The following DZIP3 variants were observed in gnomAD, a reference collection of about 807,000 sequenced individuals.
DZIP3 encodes the protein E3 ubiquitin-protein ligase DZIP3.
Under a neutral mutation model 162.0 loss-of-function variants are expected in DZIP3, and 118 were observed. The ratio of observed to expected loss-of-function variants is 0.73; its 90% CI spans 0.63 to 0.85. DZIP3 has a LOEUF of 0.85. DZIP3 is among the 40% of genes least tolerant of loss of function. DZIP3 has a pLI of 0.00. For synonymous variants in DZIP3, 438 were observed against 458.6 expected (o/e 0.96, Z 0.57); for missense variants, 1,331 against 1,407.0 (o/e 0.95, Z 0.86).
intron 5 of DZIP3, among the ~76,000 whole-genome samples, chr3:108,623,147 C>T (rs1325837301): frequency 1.3e-5 from 2 of 151,878 alleles, no homozygotes; most frequent in Non-Finnish European, 1.5e-5. Context: ...TGGAAGCCCA[C>T]TTGGTGTTCT....
At chr3:108,652,282 TTA>T (rs1942902194) in intron 18 of DZIP3, among the ~76,000 whole-genome samples, 1 of 151,766 alleles carries the variant, frequency 6.6e-6, no homozygotes, top group African/African-American at 2.4e-5. Flanking sequence ...CAACAATTAT[TTA>T]TGTTTTTCAC....
Position 108,589,832 on chromosome 3 carries a change from T to A in DZIP3, c.-80T>A, listed in dbSNP as rs1278251453. 1 of 155,058 alleles carries A rather than the reference T, an allele frequency of 6.4e-6. No individual in the cohort carries two copies. The highest frequency in any genetic ancestry group is 1.4e-5 in the Non-Finnish European group (1 of 69,326). 9.6% of individuals were successfully genotyped at this position (155,058 alleles called of 1,614,324 possible). A position where few individuals can be genotyped will look rare whatever the true frequency, so the allele number is the denominator to read the frequency against. ...GAGAAATGGTCGCTTGCCCCTAGTC[T>A]AGACACGGTGAGGAGCTCTGAGGAG... On this transcript the variant is annotated 5_prime_UTR_variant, in exon 1 of 33. Coordinates refer to ENST00000361582, the MANE Select transcript of DZIP3 (RefSeq NM_014648.4).
chr3:108,614,289 C>A (rs1340770172), intron 4 of DZIP3, among the ~76,000 whole-genome samples: 1 of 152,124 alleles, frequency 6.6e-6, no homozygotes, highest in Non-Finnish European at 1.5e-5. Context: ...AACATAAATA[C>A]AAATACTGTA....
chr3:108,657,639 A>G (rs1342444095), intron 19 of DZIP3, among the ~76,000 whole-genome samples: 1 of 152,220 alleles, frequency 6.6e-6, no homozygotes, highest in Non-Finnish European at 1.5e-5. Flanking sequence ...ACACATAACA[A>G]TATTAACCTT....
intron 19 of DZIP3, 128 bp downstream of exon 19, chr3:108,654,438 C>A: frequency 1.9e-6 from 2 of 1,048,164 alleles, no homozygotes; most frequent in Non-Finnish European, 1.5e-6. Flanking sequence ...AAGAGAAAAG[C>A]ATAAAAGGTA....
chr3:108,646,857 A>G (rs1247658885), intron 15 of DZIP3, among the ~76,000 whole-genome samples: 1 of 152,182 alleles, frequency 6.6e-6, no homozygotes, highest in Non-Finnish European at 1.5e-5. Flanking sequence ...CTTGGCCAAC[A>G]TGGTGAAACC....
At chr3:108,614,493 G>A (rs1940890427) in intron 4 of DZIP3, among the ~76,000 whole-genome samples, 1 of 152,118 alleles carries the variant, frequency 6.6e-6, no homozygotes, top group Non-Finnish European at 1.5e-5. Flanking sequence ...GTTCTTTTGA[G>A]GAAGGGTCAG....
intron 4 of DZIP3, among the ~76,000 whole-genome samples, chr3:108,614,045 C>G (rs750002205): frequency 1.3e-5 from 2 of 152,118 alleles, no homozygotes; most frequent in Non-Finnish European, 2.9e-5. Flanking sequence ...GGTTGAATAT[C>G]AGTTATCTAA....
chr3:108,625,757 A>G, intron 6 of DZIP3, 88 bp from the exon 7 acceptor site: 1 of 1,345,402 alleles, frequency 7.4e-7, no homozygotes, highest in Non-Finnish European at 9.9e-7. Context: ...AGCTGCCCTA[A>G]TTTCTCCAGT....
chr3:108,674,327 A>AT (rs1007669186), intron 24 of DZIP3, 146 bp downstream of exon 24: 8 of 620,562 alleles, frequency 1.3e-5, no homozygotes, highest in Admixed American at 3.3e-5. Context: ...GTTTTTTTTC[A>AT]TTTTTTTCCC....
chr3:108,653,818 TCTGAAAGTA>T (rs1296900832), intron 18 of DZIP3, among the ~76,000 whole-genome samples: 3 of 152,138 alleles, frequency 2.0e-5, no homozygotes, highest in African/African-American at 7.2e-5. Flanking sequence ...TGCCAATATT[TCTGAAAGTA>T]CTGTTTTCCA....
At chr3:108,611,354 G>A in intron 4 of DZIP3, 25 bp downstream of exon 4, 3 of 1,609,162 alleles carry the variant, frequency 1.9e-6, no homozygotes, top group South Asian at 1.1e-5. Flanking sequence ...TGTTATTTGG[G>A]GCAGAAGTGC....
intron 16 of DZIP3, chr3:108,648,552 T>TA (rs1379646278): frequency 6.0e-6 from 1 of 167,816 alleles, no homozygotes; most frequent in African/African-American, 2.4e-5. Flanking sequence ...GTAACAGTTA[T>TA]TATATAGTCA....
At chr3:108,681,543 C>A (rs997659701) in intron 26 of DZIP3, among the ~76,000 whole-genome samples, 1 of 151,874 alleles carries the variant, frequency 6.6e-6, no homozygotes, top group Admixed American at 6.6e-5. Context: ...GGGTCTAGAA[C>A]CAGAAATACC....
At chr3:108,658,343 A>G (rs1460290110) in intron 19 of DZIP3, among the ~76,000 whole-genome samples, 2 of 152,228 alleles carry the variant, frequency 1.3e-5, no homozygotes, top group East Asian at 3.8e-4. Context: ...AACTCACTCA[A>G]AACCGCTCAA....
chr3:108,688,881 A>G lies in DZIP3; in HGVS notation c.3473A>G (p.Glu1158Gly). ...ATCTGTCATGAGAATCTGTCTCCAG[A>G]AAATCTTTCAGTTTTGCCTTGCGCT... ...CVICHENLSP[E>G]NLSVLPCAHK... Residue 1158 changes from glutamate to glycine, a missense_variant, in exon 31 of 33, where the codon GAA (glutamate) becomes GGA (glycine). By Grantham distance (98) the Glu-to-Gly change is moderately conservative. Transcript: ENST00000361582. 6.2e-7 allele frequency: 1 copy of G among 1,614,230 alleles called. No homozygotes were observed. Among genetic ancestry groups the G allele is most frequent in the Non-Finnish European group, 8.5e-7 (1 of 1,180,038 alleles).
At chr3:108,684,823 T>G (rs757282197) in intron 27 of DZIP3, among the ~76,000 whole-genome samples, 3 of 152,098 alleles carry the variant, frequency 2.0e-5, no homozygotes, top group Non-Finnish European at 4.4e-5. Context: ...AAACATAAAC[T>G]GTAAAGTTAT....
At chr3:108,685,770 C>A (rs1468129419) in intron 27 of DZIP3, among the ~76,000 whole-genome samples, 1 of 152,000 alleles carries the variant, frequency 6.6e-6, no homozygotes, top group Admixed American at 6.5e-5. Context: ...TCACAAAATG[C>A]GAATAATATA....
intron 5 of DZIP3, among the ~76,000 whole-genome samples, chr3:108,622,143 C>T (rs929015528): frequency 8.5e-5 from 13 of 152,154 alleles, no homozygotes; most frequent in Admixed American, 8.5e-4. Flanking sequence ...ACAAACTTTG[C>T]ATGTTCTCAC....
Sources: allele counts gnomAD v4.1 joint callset (sites outside exome capture counted in the v4.1 genomes callset), GRCh38; gene constraint gnomAD v4.1.1; transcripts MANE v1.5; gene names NCBI Gene and HGNC (gene_info 2026-07-23, HGNC 2026-07-21).